The following NEK11 variants were observed in gnomAD, a reference collection of about 807,000 sequenced individuals.
The protein encoded by NEK11 is NIMA related kinase 11.
In NEK11, 72 loss-of-function variants were observed where a neutral mutation model predicts 80.7. The ratio of observed to expected loss-of-function variants is 0.89; its 90% CI spans 0.74 to 1.08. NEK11 has a LOEUF of 1.08. Among genes scored for constraint, NEK11 ranks in the 50% least tolerant of loss-of-function variants. The pLI, the probability that NEK11 is intolerant of heterozygous loss-of-function variation, is 0.00. For synonymous variants in NEK11, 251 were observed against 260.7 expected, an observed-to-expected ratio of 0.96 and a Z score of 0.36; for missense variants, 764 against 763.6, an observed-to-expected ratio of 1.00 and a Z score of -0.01.
intron 17 of NEK11, among the ~76,000 whole-genome samples, chr3:131,317,538 T>A (rs768695359): frequency 4.0e-5 from 6 of 151,858 alleles, no homozygotes; most frequent in Non-Finnish European, 7.4e-5. Flanking sequence ...TGGCAACTAA[T>A]TGGTGTTCCT....
intron 3 of NEK11, among the ~76,000 whole-genome samples, chr3:131,030,303 A>G (rs2064623039): frequency 6.6e-6 from 1 of 152,150 alleles, no homozygotes; most frequent in African/African-American, 2.4e-5. Flanking sequence ...TTTCATAAAT[A>G]TAGGTAAGCT....
chr3:131,202,470 C>A (rs571194900), intron 14 of NEK11, among the ~76,000 whole-genome samples: 1 of 152,296 alleles, frequency 6.6e-6, no homozygotes, highest in African/African-American at 2.4e-5. Context: ...GCAGGTCCCA[C>A]GCCCATGGAG....
intron 17 of NEK11, among the ~76,000 whole-genome samples, chr3:131,338,417 G>A (rs1317631271): frequency 3.3e-5 from 5 of 151,852 alleles, no homozygotes; most frequent in Non-Finnish European, 5.9e-5. Context: ...TTCACCAAAC[G>A]GCTGAGAAGC....
intron 16 of NEK11, among the ~76,000 whole-genome samples, chr3:131,265,827 G>A (rs2096043289): frequency 6.6e-6 from 1 of 152,166 alleles, no homozygotes; most frequent in South Asian, 2.1e-4. Context: ...GAATTCGGCT[G>A]TGAATCCATC....
intron 17 of NEK11, among the ~76,000 whole-genome samples, chr3:131,324,054 A>G (rs2096928752): frequency 6.6e-6 from 1 of 152,206 alleles, no homozygotes; most frequent in Non-Finnish European, 1.5e-5. Context: ...ACATAATTAA[A>G]CAGGCAAGGA....
Position 131,152,665 on chromosome 3 carries a change from G to T in NEK11, c.832G>T (p.Ala278Ser). ...LNKNPSLRPS[A>S]IEILKIPYLD... ...CAAGAATCCTTCATTAAGACCATCT[G>T]CTATCGAAATTTTAAAAATCCCTTA... The change falls in exon 9 of 18, where the codon GCT (alanine) becomes TCT (serine). Residue 278 changes from alanine to serine, a missense_variant. Physicochemically the swap from Ala to Ser is moderately conservative, Grantham distance 99. Transcript: ENST00000383366. 7 of 1,613,740 alleles carry T rather than the reference G, an allele frequency of 4.3e-6. No individual in the cohort carries two copies. The highest frequency in any genetic ancestry group is 5.9e-6 in the Non-Finnish European group (7 of 1,179,826).
At chr3:131,096,062 T>A (rs1262389102) in intron 4 of NEK11, among the ~76,000 whole-genome samples, 2 of 152,138 alleles carry the variant, frequency 1.3e-5, no homozygotes, top group Non-Finnish European at 2.9e-5. Context: ...ATTGTCTTTT[T>A]AAAAAAATTG....
intron 4 of NEK11, among the ~76,000 whole-genome samples, chr3:131,098,216 A>G (rs2077764872): frequency 6.6e-6 from 1 of 152,224 alleles, no homozygotes; most frequent in Non-Finnish European, 1.5e-5. Flanking sequence ...AAGAAAACCT[A>G]GGCATTACAA....
At chr3:131,042,546 C>T (rs2066679161) in intron 3 of NEK11, among the ~76,000 whole-genome samples, 1 of 152,176 alleles carries the variant, frequency 6.6e-6, no homozygotes, top group African/African-American at 2.4e-5. Context: ...CCGCTGTAGC[C>T]AGACTGTCTC....
At chr3:131,238,962 A>G (rs1353355634) in intron 15 of NEK11, among the ~76,000 whole-genome samples, 1 of 152,164 alleles carries the variant, frequency 6.6e-6, no homozygotes, top group African/African-American at 2.4e-5. Flanking sequence ...AAGAAAAACT[A>G]CAAAAAAACT....
chr3:131,154,576 A>G, intron 9 of NEK11, among the ~76,000 whole-genome samples: 1 of 152,332 alleles, frequency 6.6e-6, no homozygotes, highest in South Asian at 2.1e-4. Flanking sequence ...GTTTTTTGAC[A>G]TTAATTTTGA....
At chr3:131,116,282 A>C (rs1370327103) in intron 5 of NEK11, among the ~76,000 whole-genome samples, 1 of 152,000 alleles carries the variant, frequency 6.6e-6, no homozygotes, top group Non-Finnish European at 1.5e-5. Context: ...AGCTTCTTCC[A>C]TGTCCCTACA....
At chr3:131,330,238 T>C (rs895049390) in intron 17 of NEK11, 37 of 152,156 alleles carry the variant, frequency 2.4e-4, no homozygotes, top group Admixed American at 1.8e-3. Context: ...TAAACAGAAA[T>C]GGGGAAGACT....
At chr3:131,276,228 C>T (rs567768718) in intron 17 of NEK11, among the ~76,000 whole-genome samples, 1 of 152,284 alleles carries the variant, frequency 6.6e-6, no homozygotes, top group South Asian at 2.1e-4. Context: ...CAGCTGGATT[C>T]CCAGGAAGCA....
At chr3:131,320,223 C>T (rs1171002037) in intron 17 of NEK11, among the ~76,000 whole-genome samples, 1 of 151,992 alleles carries the variant, frequency 6.6e-6, no homozygotes, top group African/African-American at 2.4e-5. Flanking sequence ...ACTTTCTAGT[C>T]AGATCATCAG....
intron 15 of NEK11, among the ~76,000 whole-genome samples, chr3:131,229,700 A>C (rs2095291485): frequency 6.6e-6 from 1 of 152,150 alleles, no homozygotes; most frequent in Non-Finnish European, 1.5e-5. Flanking sequence ...AGCAGTAAGA[A>C]GTGCTCTCCA....
chr3:131,119,803 A>G (rs1313648145), intron 5 of NEK11, among the ~76,000 whole-genome samples: 1 of 151,028 alleles, frequency 6.6e-6, no homozygotes, highest in African/African-American at 2.4e-5. Flanking sequence ...CCCTGCTTTT[A>G]TGTTTTGTTT....
intron 5 of NEK11, among the ~76,000 whole-genome samples, chr3:131,115,919 TTTC>T (rs1336678761): frequency 3.4e-5 from 3 of 88,370 alleles, no homozygotes; most frequent in East Asian, 6.2e-4. Context: ...TCTTTCTTTC[TTTC>T]TTTCTTTCTT....
chr3:131,172,009 T>A (rs769583438), intron 14 of NEK11, among the ~76,000 whole-genome samples: 3 of 152,210 alleles, frequency 2.0e-5, no homozygotes, highest in African/African-American at 4.8e-5. Flanking sequence ...GGGGAACCAT[T>A]AGACCACTGA....
Sources: allele counts gnomAD v4.1 joint callset (sites outside exome capture counted in the v4.1 genomes callset), GRCh38; gene constraint gnomAD v4.1.1; transcripts MANE v1.5; gene names NCBI Gene and HGNC (gene_info 2026-07-23, HGNC 2026-07-21).